The following ZNF714 variants were observed in gnomAD, a reference collection of about 807,000 sequenced individuals.
The protein encoded by ZNF714 is zinc finger protein 714.
Under a neutral mutation model 46.2 loss-of-function variants are expected in ZNF714, and 32 were observed. The ratio of observed to expected loss-of-function variants is 0.69; its 90% CI spans 0.52 to 0.93. The LOEUF is 0.93. Among genes scored for constraint, ZNF714 ranks in the 40% least tolerant of loss-of-function variants. The pLI is 0.00. For missense variants in ZNF714, 635 were observed against 646.3 expected, an observed-to-expected ratio of 0.98 and a Z score of 0.19; for synonymous variants, 199 against 213.1, an observed-to-expected ratio of 0.93 and a Z score of 0.58.
At position 21,120,176 on chromosome 19, in the gene ZNF714, G is replaced by C. The variant is rs914180068; in HGVS notation, c.*1844G>C. On this transcript the variant is annotated 3_prime_UTR_variant, in exon 5 of 5. Transcript: ENST00000456283. ...CCTCCCTCAGCCTCCTGAGTAGCTG[G>C]GATTACAGGCGCATATCACCACGCC... is the stretch of plus-strand genomic sequence containing the variant. 1.3e-5 allele frequency: 2 copies of C among 152,246 alleles called. No individual in the cohort carries two copies. The highest frequency in any genetic ancestry group is 1.3e-4 in the Admixed American group (2 of 15,272). The allele number at this position is 152,246 out of a possible 1,614,324, so 9.4% of individuals were successfully genotyped here.
intron 4 of ZNF714, among the ~76,000 whole-genome samples, chr19:21,104,953 T>A (rs1376480042): frequency 6.6e-6 from 1 of 151,964 alleles, no homozygotes; most frequent in East Asian, 1.9e-4. Flanking sequence ...AAATCATTAA[T>A]TCTGCTTTTC....
Position 21,098,307 on chromosome 19 carries a change from C to G in ZNF714, c.39C>G (p.Phe13Leu), listed in dbSNP as rs377697860. 3 of 1,611,138 alleles carry G rather than the reference C, an allele frequency of 1.9e-6. No individual in the cohort carries two copies. In the African/African-American group the frequency reaches 4.0e-5, roughly 22 times the overall value. Residue 13 changes from phenylalanine to leucine, a missense_variant, in exon 3 of 5, where the codon TTC becomes TTG. Coordinates refer to ENST00000456283, the MANE Select transcript of ZNF714 (RefSeq NM_182515.4). ...TAGAGAACTACAAAAACCTGGTCTTCTTGGGTGAGAATAACTTTAATACAT... is the reference window on the plus strand; with the variant it reads ...TAGAGAACTACAAAAACCTGGTCTTGTTGGGTGAGAATAACTTTAATACAT... ...VMLENYKNLV[F>L]LAGIAVSKQD...
In ZNF714 at chr19:21,119,040, C is replaced by G. The variant is rs1198622178; in HGVS notation, c.*708C>G. 1 of 407,062 alleles carries G rather than the reference C, an allele frequency of 2.5e-6. No homozygotes were observed. The highest frequency in any genetic ancestry group is 8.0e-5 in the East Asian group (1 of 12,458). The allele number at this position is 407,062 out of a possible 1,614,324, so 25.2% of individuals were successfully genotyped here. A position where few individuals can be genotyped will look rare whatever the true frequency, so the allele number is the denominator to read the frequency against. ...AAAAGCCATTAATATATGTTCATAT[C>G]TCAACACCAGATAGTTCATACTTAA... On this transcript the variant is annotated 3_prime_UTR_variant, in exon 5 of 5. Coordinates refer to ENST00000456283, the MANE Select transcript of ZNF714 (RefSeq NM_182515.4).
chr19:21,114,280 C>CA (rs1969534661), intron 4 of ZNF714, among the ~76,000 whole-genome samples: 1 of 151,794 alleles, frequency 6.6e-6, no homozygotes, highest in Non-Finnish European at 1.5e-5. Context: ...ACTAAAAATA[C>CA]AAAAAATTAG....
At chr19:21,095,529 C>T (rs1599534745) in intron 2 of ZNF714, among the ~76,000 whole-genome samples, 1 of 151,682 alleles carries the variant, frequency 6.6e-6, no homozygotes, top group African/African-American at 2.4e-5. Context: ...GTGGTGTGAT[C>T]TCAGCTCACT....
chr19:21,088,139 G>C (rs1195332070), intron 2 of ZNF714, among the ~76,000 whole-genome samples: 1 of 152,144 alleles, frequency 6.6e-6, no homozygotes, highest in African/African-American at 2.4e-5. Flanking sequence ...AGTGATAGTG[G>C]CATTTTGAGA....
intron 4 of ZNF714, among the ~76,000 whole-genome samples, chr19:21,116,491 G>C (rs1010403735): frequency 1.3e-5 from 2 of 152,238 alleles, no homozygotes; most frequent in East Asian, 1.9e-4. Context: ...TTGAAAGGCA[G>C]TATGTTATAT....
chr19:21,108,903 A>G (rs60366360), intron 4 of ZNF714, among the ~76,000 whole-genome samples: 9,090 of 152,164 alleles, frequency 0.06, 667 homozygotes, highest in African/African-American at 0.18. Flanking sequence ...TGCTTTGTAT[A>G]TTTTGGAAAC....
At position 21,084,083 on chromosome 19, in the gene ZNF714, G is replaced by T. The variant is rs1968719860; in HGVS notation, c.-85+14G>T. ...TACTTTGAAAAGGTAATCAGATGCT[G>T]GTACTGAGGGGAAAACACAGAAATA... is the stretch of plus-strand genomic sequence containing the variant. On this transcript the variant is annotated intron_variant, in intron 2 of 4. Coordinates refer to ENST00000456283, the MANE Select transcript of ZNF714 (RefSeq NM_182515.4). 9.5e-7 allele frequency: 1 copy of T among 1,055,060 alleles called. No homozygotes were observed. The allele number at this position is 1,055,060 out of a possible 1,614,324, so 65.4% of individuals were successfully genotyped here. A position where few individuals can be genotyped will look rare whatever the true frequency, so the allele number is the denominator to read the frequency against.
chr19:21,110,756 T>C (rs1373084761), intron 4 of ZNF714, among the ~76,000 whole-genome samples: 1 of 152,232 alleles, frequency 6.6e-6, no homozygotes, highest in East Asian at 1.9e-4. Context: ...CTTGAGTTAA[T>C]TTTTGTATAA....
chr19:21,118,459 A>C lies in ZNF714; in HGVS notation c.*127A>C. The C allele has an allele frequency of 2.5e-6, 1 of 403,744 alleles. No homozygotes were observed. The highest frequency in any genetic ancestry group is 3.9e-5 in the South Asian group (1 of 25,628). 25.0% of individuals were successfully genotyped at this position (403,744 alleles called of 1,614,324 possible). A position where few individuals can be genotyped will look rare whatever the true frequency, so the allele number is the denominator to read the frequency against. On this transcript the variant is annotated 3_prime_UTR_variant, in exon 5 of 5. Coordinates refer to ENST00000456283, the MANE Select transcript of ZNF714 (RefSeq NM_182515.4). ...AAGGCAAGACTCTGTCTCAAAAAAA[A>C]AAAAAAAAAGAAAAGAAAATTCATA...
chr19:21,095,867 T>C (rs1361736827), intron 2 of ZNF714, among the ~76,000 whole-genome samples: 1 of 152,190 alleles, frequency 6.6e-6, no homozygotes, highest in East Asian at 1.9e-4. Flanking sequence ...AGGTCCCATT[T>C]GTCAATTTTT....
chr19:21,091,277 G>T (rs1208856136), intron 2 of ZNF714: 4 of 152,170 alleles, frequency 2.6e-5, no homozygotes, highest in African/African-American at 9.7e-5. Flanking sequence ...TAGCAGAGAG[G>T]ATGACCATAG....
Position 21,118,359 on chromosome 19 carries a change from G to GAGGTT in ZNF714, c.*27_*28insAGGTT. On this transcript the variant is annotated 3_prime_UTR_variant, in exon 5 of 5. Transcript: ENST00000456283. ...CCCAGCTACTTGGGAGGCAGAGGCA[G>GAGGTT]GAGAATCATTTGAACCTGGGAGGCA... 1.6e-6 allele frequency: 1 copy of GAGGTT among 633,946 alleles called. No homozygotes were observed. The highest frequency in any genetic ancestry group is 2.9e-5 in the African/African-American group (1 of 34,980). The allele number at this position is 633,946 out of a possible 1,614,324, so 39.3% of individuals were successfully genotyped here.
chr19:21,116,147 G>A (rs1051250135), intron 4 of ZNF714, among the ~76,000 whole-genome samples: 1 of 152,110 alleles, frequency 6.6e-6, no homozygotes, highest in African/African-American at 2.4e-5. Flanking sequence ...CTTGGTTAGA[G>A]ATCCTGGTAG....
In ZNF714 at chr19:21,117,868, T is replaced by C. The variant is rs560742696; in HGVS notation, c.1204T>C (p.Cys402Arg). The change falls in exon 5 of 5, where the codon TGT (cysteine) becomes CGT (arginine). Residue 402 changes from cysteine (C) to arginine (R), a missense_variant. Coordinates refer to ENST00000456283, the MANE Select transcript of ZNF714 (RefSeq NM_182515.4). Reference protein sequence around the residue: ...TGEKPYKCEECGKAFNQSSNL... With the variant: ...TGEKPYKCEERGKAFNQSSNL... ...AGAGAAACCTTACAAATGTGAAGAA[T>C]GTGGCAAAGCTTTTAACCAATCCTC... 12 of 1,613,130 alleles carry C rather than the reference T, an allele frequency of 7.4e-6. No individual in the cohort carries two copies. In the East Asian group the frequency reaches 1.8e-4, roughly 24 times the overall value.
At chr19:21,106,170 A>G (rs1209352416) in intron 4 of ZNF714, among the ~76,000 whole-genome samples, 1 of 151,784 alleles carries the variant, frequency 6.6e-6, no homozygotes, top group African/African-American at 2.4e-5. Context: ...CAGGAGAATC[A>G]CTTGAATCTG....
rs142674701 is a variant in ZNF714, at chr19:21,086,134, C to A, written c.-85+2065C>A. ...AAATGAGATTTTATGTTGACTCAGA[C>A]TGAGAATAGTTTAAAGTTCTGGGGC... On this transcript the variant is annotated intron_variant, in intron 2 of 4. Transcript: ENST00000456283. Among the ~76,000 whole-genome samples, 3 of 151,700 alleles carry A rather than the reference C, an allele frequency of 2.0e-5. No homozygotes were observed. In the East Asian group the frequency reaches 5.8e-4, roughly 29 times the overall value.
chr19:21,096,864 A>G (rs1969053914), intron 2 of ZNF714, among the ~76,000 whole-genome samples: 1 of 151,854 alleles, frequency 6.6e-6, no homozygotes, highest in Non-Finnish European at 1.5e-5. Context: ...TTATTTATTT[A>G]TTTATTTATT....
Sources: allele counts gnomAD v4.1 joint callset (sites outside exome capture counted in the v4.1 genomes callset), GRCh38; gene constraint gnomAD v4.1.1; transcripts MANE v1.5; gene names NCBI Gene and HGNC (gene_info 2026-07-23, HGNC 2026-07-21).